SLC1A2: variants seen among roughly 807,000 people sequenced by gnomAD.
The protein encoded by SLC1A2 is solute carrier family 1 member 2, also known as excitatory amino acid transporter 2.
SLC1A2 carries 15 observed loss-of-function variants against 48.8 expected under a neutral mutation model. The ratio of observed to expected loss-of-function variants is 0.31; its 90% CI spans 0.21 to 0.47. The LOEUF (loss-of-function observed/expected upper bound fraction) is 0.47. SLC1A2 is among the 20% of genes least tolerant of loss of function. SLC1A2 has a pLI of 0.99. For missense variants in SLC1A2, 502 were observed against 730.5 expected (o/e 0.69, Z 3.61); for synonymous variants, 279 against 272.6 (o/e 1.02, Z -0.23).
intron 1 of SLC1A2, among the ~76,000 whole-genome samples, chr11:35,377,469 A>T (rs1854279517): frequency 6.6e-6 from 1 of 152,170 alleles, no homozygotes; most frequent in South Asian, 2.1e-4. Flanking sequence ...TCTGTTCGTT[A>T]CCAAAGGGGG....
At chr11:35,267,948 C>T (rs991116666) in intron 9 of SLC1A2, among the ~76,000 whole-genome samples, 9 of 152,194 alleles carry the variant, frequency 5.9e-5, no homozygotes, top group Non-Finnish European at 1.3e-4. Context: ...TATTGCCCTA[C>T]CAGCTTCTTT....
chr11:35,346,260 C>T (rs769435853), intron 1 of SLC1A2, among the ~76,000 whole-genome samples: 6 of 152,138 alleles, frequency 3.9e-5, no homozygotes, highest in Admixed American at 1.3e-4. Context: ...TTGAGGCATC[C>T]ATTTCCATCC....
chr11:35,361,013 C>T (rs1189530726), intron 1 of SLC1A2, among the ~76,000 whole-genome samples: 1 of 152,014 alleles, frequency 6.6e-6, no homozygotes, highest in Non-Finnish European at 1.5e-5. Flanking sequence ...GTAGCTGGGA[C>T]TACAGGTGCC....
At chr11:35,401,232 T>G (rs182663101) in intron 1 of SLC1A2, among the ~76,000 whole-genome samples, 31 of 152,302 alleles carry the variant, frequency 2.0e-4, no homozygotes, top group African/African-American at 7.5e-4. Context: ...GTCAGACTCT[T>G]AGTTCTCTCC....
chr11:35,268,883 G>A (rs1850184715), intron 9 of SLC1A2, among the ~76,000 whole-genome samples: 2 of 152,084 alleles, frequency 1.3e-5, no homozygotes, highest in Admixed American at 1.3e-4. Context: ...TCCACCATCT[G>A]CCACATGTTG....
intron 1 of SLC1A2, among the ~76,000 whole-genome samples, chr11:35,318,194 C>T (rs890504821): frequency 2.2e-4 from 33 of 152,200 alleles, no homozygotes; most frequent in African/African-American, 6.8e-4. Flanking sequence ...TTGATCACCT[C>T]CAGCTATGGC....
intron 5 of SLC1A2, among the ~76,000 whole-genome samples, chr11:35,303,699 A>G (rs916701547): frequency 6.6e-6 from 1 of 152,220 alleles, no homozygotes; most frequent in African/African-American, 2.4e-5. Flanking sequence ...GAAACTGGCC[A>G]TATCTATGAG....
intron 1 of SLC1A2, among the ~76,000 whole-genome samples, chr11:35,412,354 A>G (rs900270282): frequency 6.6e-6 from 1 of 152,184 alleles, no homozygotes; most frequent in African/African-American, 2.4e-5. Context: ...ATATATGTCA[A>G]TTGCCTCACT....
intron 8 of SLC1A2, among the ~76,000 whole-genome samples, chr11:35,282,512 C>A (rs754401782): frequency 6.6e-6 from 1 of 152,194 alleles, no homozygotes; most frequent in Non-Finnish European, 1.5e-5. Context: ...CCCCCACCCC[C>A]ACCATGCCCA....
At chr11:35,419,994 G>T (rs930934055), upstream of SLC1A2, 1 of 465,970 alleles carries the variant, frequency 2.1e-6, no homozygotes, top group South Asian at 1.6e-5. This position sits in a 1 kb window ranked among gnomAD's most constrained non-coding sequence, Gnocchi z 5.4. Flanking sequence ...TGAAACACGC[G>T]GGTGGTGCAG....
chr11:35,318,827 G>A (rs1169558090), intron 1 of SLC1A2, among the ~76,000 whole-genome samples: 1 of 152,192 alleles, frequency 6.6e-6, no homozygotes, highest in Non-Finnish European at 1.5e-5. Context: ...ATTTTGTTCA[G>A]GGGGCTTACC....
chr11:35,403,144 C>G (rs547649616), intron 1 of SLC1A2, among the ~76,000 whole-genome samples: 1 of 152,186 alleles, frequency 6.6e-6, no homozygotes. Flanking sequence ...CTATGCCGAA[C>G]GCTTCACACA....
At position 35,388,370 on chromosome 11, in the gene SLC1A2, C is replaced by T. The variant is rs531728853; in HGVS notation, c.17+30580G>A. ...GAAACAAACTCTTTTTTATAGCATT[C>T]GAAATAATCTCAGACATGTTTGTTT... is the stretch of plus-strand genomic sequence containing the variant. On this transcript the variant is annotated intron_variant, in intron 1 of 10. Coordinates refer to ENST00000278379, the MANE Select transcript of SLC1A2 (RefSeq NM_004171.4). 3.3e-5 allele frequency among the ~76,000 whole-genome samples: 5 copies of T among 152,206 alleles called. No individual in the cohort carries two copies. The East Asian group carries it at 5.8e-4, about 18-fold the overall frequency.
chr11:35,378,698 C>G (rs925478674), intron 1 of SLC1A2, among the ~76,000 whole-genome samples: 3 of 152,190 alleles, frequency 2.0e-5, no homozygotes, highest in African/African-American at 4.8e-5. Context: ...TTACTGCTCA[C>G]AAAAGCAACA....
chr11:35,369,792 T>G (rs561066362), intron 1 of SLC1A2, among the ~76,000 whole-genome samples: 4 of 152,220 alleles, frequency 2.6e-5, no homozygotes, highest in Non-Finnish European at 5.9e-5. Context: ...ACAAGGTGTA[T>G]GTATTCAGGC....
chr11:35,404,562 G>T (rs1437120212), intron 1 of SLC1A2: 3 of 152,262 alleles, frequency 2.0e-5, no homozygotes, highest in Non-Finnish European at 2.9e-5. Context: ...TCCCTTCTTG[G>T]AAACCAAGAC....
intron 9 of SLC1A2, among the ~76,000 whole-genome samples, chr11:35,271,641 A>C (rs1281614957): frequency 6.6e-6 from 1 of 152,032 alleles, no homozygotes; most frequent in East Asian, 1.9e-4. Context: ...CAGGTGTTTG[A>C]GATCAGCCTG....
At chr11:35,317,121 G>A (rs977327966) in intron 2 of SLC1A2, 29 of 451,640 alleles carry the variant, frequency 6.4e-5, no homozygotes, top group Non-Finnish European at 1.1e-4. Flanking sequence ...CATAAGTATA[G>A]GAATCCACAT....
At position 35,255,566 on chromosome 11, in the gene SLC1A2, G is replaced by A. The variant is rs1415053268; in HGVS notation, c.*5328C>T. 6.6e-6 allele frequency: 1 copy of A among 152,206 alleles called. No individual in the cohort carries two copies. Among genetic ancestry groups the A allele is most frequent in the Non-Finnish European group, 1.5e-5 (1 of 68,038 alleles). 9.4% of individuals were successfully genotyped at this position (152,206 alleles called of 1,614,324 possible). A position where few individuals can be genotyped will look rare whatever the true frequency, so the allele number is the denominator to read the frequency against. ...TACCAAATTTCAAAAGAGTGATCAAGGTTATTCACCAAAGGCTCTCAAATT... is the reference window on the plus strand; with the variant it reads ...TACCAAATTTCAAAAGAGTGATCAAAGTTATTCACCAAAGGCTCTCAAATT... On this transcript the variant is annotated 3_prime_UTR_variant, in exon 11 of 11. Transcript: ENST00000278379.
Sources: allele counts gnomAD v4.1 joint callset (sites outside exome capture counted in the v4.1 genomes callset), GRCh38; gene constraint gnomAD v4.1.1; non-coding constraint Gnocchi (gnomAD v3.1); transcripts MANE v1.5; gene names NCBI Gene and HGNC (gene_info 2026-07-23, HGNC 2026-07-21).